ADCY9: variants seen among roughly 807,000 people sequenced by gnomAD.
ADCY9 encodes adenylate cyclase type 9.
A neutral mutation model predicts 101.5 loss-of-function variants in ADCY9; 50 were observed. That is an observed-to-expected ratio of 0.49 (90% confidence interval 0.39 to 0.62). ADCY9 has a LOEUF of 0.62. Among genes scored for constraint, ADCY9 ranks in the 20% least tolerant of loss-of-function variants. The pLI, the probability that ADCY9 is intolerant of heterozygous loss-of-function variation, is 0.00. For missense variants in ADCY9, 1,662 were observed against 1,800.4 expected, an observed-to-expected ratio of 0.92 and a Z score of 1.39; for synonymous variants, 905 against 769.3, an observed-to-expected ratio of 1.18 and a Z score of -2.92.
intron 2 of ADCY9, among the ~76,000 whole-genome samples, chr16:4,064,037 T>A (rs2056787058): frequency 6.6e-6 from 1 of 152,084 alleles, no homozygotes; most frequent in Non-Finnish European, 1.5e-5. Context: ...ATATAGAAAA[T>A]CTTCAGGAGT....
At chr16:4,027,406 T>A (rs1461472316) in intron 2 of ADCY9, among the ~76,000 whole-genome samples, 1 of 152,228 alleles carries the variant, frequency 6.6e-6, no homozygotes, top group Non-Finnish European at 1.5e-5. Flanking sequence ...ACACTGTTCA[T>A]AAAGACTTTA....
intron 2 of ADCY9, among the ~76,000 whole-genome samples, chr16:4,076,678 A>C (rs2056869295): frequency 6.6e-6 from 1 of 152,218 alleles, no homozygotes; most frequent in Non-Finnish European, 1.5e-5. Context: ...CTGACAAATT[A>C]AGGAGCCATT....
chr16:4,045,851 A>G (rs995881998), intron 2 of ADCY9, among the ~76,000 whole-genome samples: 2 of 137,044 alleles, frequency 1.5e-5, no homozygotes, highest in African/African-American at 5.4e-5. Context: ...GACATGCACC[A>G]CCATGCTTTT....
intron 2 of ADCY9, among the ~76,000 whole-genome samples, chr16:4,083,094 C>G (rs1473573279): frequency 3.3e-5 from 5 of 152,170 alleles, no homozygotes; most frequent in Admixed American, 2.6e-4. Context: ...GTCATCACAC[C>G]TCTGAATTAA....
At chr16:4,080,562 C>T (rs991400579) in intron 2 of ADCY9, among the ~76,000 whole-genome samples, 8 of 151,964 alleles carry the variant, frequency 5.3e-5, no homozygotes, top group Non-Finnish European at 8.8e-5. Context: ...CCCAGCCCAA[C>T]GGAAGAAATT....
rs993960210 is a variant in ADCY9, at chr16:3,992,513, C to T, written c.1990-150G>A. On this transcript the variant is annotated intron_variant, in intron 4 of 10. Transcript: ENST00000294016. The surrounding 1 kb of genome is among the most constrained non-coding windows in gnomAD (Gnocchi z 4.2). ...CCTGCGAGGAACCCCCACCCCCCTG[C>T]GCCTACAGACCTGCTCCAATCCCAG... is the stretch of plus-strand genomic sequence containing the variant. 12 of 694,762 alleles carry T rather than the reference C, an allele frequency of 1.7e-5. No homozygotes were observed. The highest frequency in any genetic ancestry group is 7.2e-5 in the African/African-American group (4 of 55,778). The allele number at this position is 694,762 out of a possible 1,614,324, so 43.0% of individuals were successfully genotyped here.
intron 2 of ADCY9, among the ~76,000 whole-genome samples, chr16:4,088,433 A>C (rs2056953343): frequency 6.6e-6 from 1 of 152,020 alleles, no homozygotes; most frequent in South Asian, 2.1e-4. Flanking sequence ...TTGGGACTAC[A>C]GGCACGTGCC....
chr16:4,018,951 T>TTGTGTGTGTGTGTGTGTGTGTG (rs58093859), intron 2 of ADCY9, among the ~76,000 whole-genome samples: 36,672 of 138,618 alleles, frequency 0.26, 5,468 homozygotes, highest in East Asian at 0.37. Context: ...AGAATCGCAG[T>TTGTGTGTGTGTGTGTGTGTGTG]TGTGTGTGTG....
intron 2 of ADCY9, among the ~76,000 whole-genome samples, chr16:4,058,326 A>G (rs1339895533): frequency 4.7e-5 from 7 of 148,658 alleles, no homozygotes; most frequent in South Asian, 2.2e-4. Flanking sequence ...TTAGCCAGGC[A>G]TGGTGGCGTG....
intron 5 of ADCY9, among the ~76,000 whole-genome samples, chr16:3,990,988 C>T (rs1221547018): frequency 4.6e-5 from 7 of 152,106 alleles, no homozygotes; most frequent in African/African-American, 1.2e-4. Flanking sequence ...TTAGTAGAGA[C>T]GGGGTTTCAC....
intron 2 of ADCY9, among the ~76,000 whole-genome samples, chr16:4,095,942 A>C (rs899311698): frequency 1.4e-5 from 2 of 140,362 alleles, no homozygotes; most frequent in Admixed American, 1.6e-4. Context: ...ACGCCACTGC[A>C]CTCTACCCTG....
chr16:4,114,808 C>T lies in ADCY9; in HGVS notation c.635G>A (p.Arg212Gln), dbSNP rs1441874703. ...GDSSNLTATA[R>Q]PTDTCLSQVG... ...TTGAGATAAGCAAGTATCTGTGGGCCGGGCTGTGGCCGTAAGGTTGGAGCT... is the reference window on the plus strand; with the variant it reads ...TTGAGATAAGCAAGTATCTGTGGGCTGGGCTGTGGCCGTAAGGTTGGAGCT... The change falls in exon 2 of 11, where the codon CGG becomes CAG. Residue 212 changes from arginine to glutamine, a missense_variant. Coordinates refer to ENST00000294016, the MANE Select transcript of ADCY9 (RefSeq NM_001116.4). The surrounding 1 kb of genome is among the most constrained non-coding windows in gnomAD (Gnocchi z 4.3). The T allele has an allele frequency of 3.7e-6, 6 of 1,613,218 alleles. No homozygotes were observed. The highest frequency in any genetic ancestry group is 3.3e-5 in the Admixed American group (2 of 60,012).
At chr16:3,985,140 CTTTTTT>C (rs139751473) in intron 6 of ADCY9, among the ~76,000 whole-genome samples, 2 of 78,366 alleles carry the variant, frequency 2.6e-5, no homozygotes, top group Admixed American at 1.4e-4. Flanking sequence ...TTTTCTTTTC[CTTTTTT>C]TTTTTTTTTT....
chr16:3,953,752 C>T (rs1216639404), intron 5 of ADCY9, among the ~76,000 whole-genome samples: 2 of 152,182 alleles, frequency 1.3e-5, no homozygotes, highest in Non-Finnish European at 2.9e-5. Flanking sequence ...TTTTGGGATA[C>T]GACGGACAAG....
At chr16:3,968,056 A>T (rs960400474) in intron 10 of ADCY9, among the ~76,000 whole-genome samples, 1 of 152,112 alleles carries the variant, frequency 6.6e-6, no homozygotes, top group Admixed American at 6.5e-5. Context: ...ATATTTCAGC[A>T]TGTATCTCCT....
chr16:3,998,217 T>C (rs72762759), intron 3 of ADCY9, among the ~76,000 whole-genome samples: 13,053 of 152,024 alleles, frequency 0.086, 784 homozygotes, highest in East Asian at 0.28. Context: ...CTGGGCAATG[T>C]ATCAAGACCC....
At chr16:4,004,251 TA>T (rs71133681) in intron 3 of ADCY9, among the ~76,000 whole-genome samples, 237 of 107,682 alleles carry the variant, frequency 2.2e-3, no homozygotes, top group Middle Eastern at 0.011. Flanking sequence ...CCCATCTCTT[TA>T]AAAAAAAAAA....
intron 2 of ADCY9, among the ~76,000 whole-genome samples, chr16:4,074,849 CA>C (rs764341219): frequency 3.9e-5 from 6 of 152,000 alleles, no homozygotes; most frequent in Non-Finnish European, 8.8e-5. Context: ...CTGAATCTCA[CA>C]AAGATTTATT....
At chr16:4,056,043 AC>A (rs1470672286) in intron 2 of ADCY9, among the ~76,000 whole-genome samples, 1 of 152,148 alleles carries the variant, frequency 6.6e-6, no homozygotes, top group East Asian at 1.9e-4. Context: ...TGCTGGAAAC[AC>A]ACATGCAGGG....
Sources: gnomAD v4.1 joint callset for allele counts (sites outside exome capture counted in the v4.1 genomes callset) on GRCh38, gnomAD v4.1.1 for gene constraint, Gnocchi (gnomAD v3.1) non-coding constraint, MANE v1.5 for transcripts, NCBI Gene and HGNC (gene_info 2026-07-23, HGNC 2026-07-21) for gene names.